Variants in FABP6 observed in about 807,000 individuals in gnomAD.
FABP6 encodes gastrotropin.
FABP6 carries 13 observed loss-of-function variants against 14.9 expected under a neutral mutation model. That is an observed-to-expected ratio of 0.87 (90% CI 0.57 to 1.39). The LOEUF is 1.39. Ranked by LOEUF, FABP6 falls within the 40% of genes most tolerant of loss-of-function variation. The probability of loss-of-function intolerance (pLI) is 0.00; values close to 1 mark genes in which losing one functional copy is unlikely to be tolerated. For missense variants in FABP6, 161 were observed against 167.2 expected (o/e 0.96, Z 0.20); for synonymous variants, 75 against 63.6 (o/e 1.18, Z -0.85).
chr5:160,232,353 C>A lies in FABP6; in HGVS notation c.243+80C>A, dbSNP rs143036892. ...TTCTCAAACATGGCCTCCCCGCTCC[C>A]GAGCTGAGGCTTCTTTCTCCAGTTT... On this transcript the variant is annotated intron_variant, in intron 2 of 3. Transcript: ENST00000402432. 35 of 1,388,408 alleles carry A rather than the reference C, an allele frequency of 2.5e-5. No homozygotes were observed. In the East Asian group the frequency reaches 9.0e-4, roughly 36 times the overall value. 86.0% of individuals were successfully genotyped at this position (1,388,408 alleles called of 1,614,324 possible).
At chr5:160,207,828 C>A (rs56003735) in intron 2 of FABP6, among the ~76,000 whole-genome samples, 123,822 of 151,466 alleles carry the variant, frequency 0.82, 51,040 homozygotes, top group Non-Finnish European at 0.85. Context: ...GGTTCAAGCG[C>A]TTCTCCTGCC....
chr5:160,232,572 A>G (rs1027210029), intron 2 of FABP6, among the ~76,000 whole-genome samples: 7 of 152,150 alleles, frequency 4.6e-5, no homozygotes, highest in Non-Finnish European at 7.4e-5. Flanking sequence ...TACTCTCTCC[A>G]GATTGATCGG....
At chr5:160,201,216 GGT>G in intron 2 of FABP6, among the ~76,000 whole-genome samples, 1 of 152,158 alleles carries the variant, frequency 6.6e-6, no homozygotes, top group East Asian at 1.9e-4. Context: ...AAATTAGCAG[GGT>G]GTGGAGGCAT....
intron 1 of FABP6, among the ~76,000 whole-genome samples, chr5:160,230,736 C>T (rs1760363019): frequency 6.6e-6 from 1 of 152,176 alleles, no homozygotes; most frequent in Non-Finnish European, 1.5e-5. Context: ...GCGTGACTTG[C>T]CCAAGTCAGT....
upstream of FABP6, among the ~76,000 whole-genome samples, chr5:160,225,568 A>AT (rs1176220179): frequency 6.6e-6 from 1 of 151,350 alleles, no homozygotes; most frequent in Non-Finnish European, 1.5e-5. Flanking sequence ...TGTCCAGCTA[A>AT]TTTTTTTGTA....
chr5:160,204,799 T>G (rs551152661), intron 2 of FABP6: 2 of 152,382 alleles, frequency 1.3e-5, no homozygotes, highest in East Asian at 3.9e-4. Context: ...CCGCATCCTA[T>G]TTTCTTTACT....
chr5:160,230,152 G>A (rs1282758993), intron 1 of FABP6, among the ~76,000 whole-genome samples: 3 of 151,780 alleles, frequency 2.0e-5, no homozygotes, highest in Admixed American at 6.6e-5. Context: ...CAAAGTGCTG[G>A]AATTACAGGC....
intron 2 of FABP6, among the ~76,000 whole-genome samples, chr5:160,204,217 G>C (rs1055116469): frequency 6.6e-6 from 1 of 151,764 alleles, no homozygotes; most frequent in African/African-American, 2.4e-5. Context: ...TAGCTACTTG[G>C]GAGGCAGAAG....
At chr5:160,202,140 TCTA>T (rs10604708) in intron 2 of FABP6, among the ~76,000 whole-genome samples, 128,361 of 151,858 alleles carry the variant, frequency 0.85, 54,635 homozygotes, top group Non-Finnish European at 0.9. Context: ...TTAGGCAGAC[TCTA>T]CTTTCTGCTC....
upstream of FABP6, among the ~76,000 whole-genome samples, chr5:160,225,889 T>C (rs925535313): frequency 6.6e-6 from 1 of 152,080 alleles, no homozygotes. Flanking sequence ...GTAGAAAATA[T>C]AAGGCCGGGC....
At chr5:160,217,157 T>C (rs1487334918) in intron 3 of FABP6, among the ~76,000 whole-genome samples, 1 of 152,190 alleles carries the variant, frequency 6.6e-6, no homozygotes, top group Non-Finnish European at 1.5e-5. Context: ...CTCAGTATTT[T>C]CCATCAACTG....
intron 2 of FABP6, among the ~76,000 whole-genome samples, chr5:160,210,887 G>A (rs770548827): frequency 1.1e-4 from 17 of 152,266 alleles, no homozygotes; most frequent in Admixed American, 3.9e-4. Flanking sequence ...TGATTTCTGC[G>A]GCTGCCACAG....
At chr5:160,191,645 T>C (rs1213076307) in intron 1 of FABP6, among the ~76,000 whole-genome samples, 4 of 151,920 alleles carry the variant, frequency 2.6e-5, no homozygotes, top group Non-Finnish European at 5.9e-5. Context: ...GGGGTCTCAC[T>C]ATATTGCCAA....
chr5:160,199,422 A>G (rs995449897), intron 2 of FABP6, among the ~76,000 whole-genome samples: 1 of 152,094 alleles, frequency 6.6e-6, no homozygotes, highest in Non-Finnish European at 1.5e-5. Context: ...CCACCCCTAG[A>G]GACGATGGCG....
At chr5:160,233,420 A>G (rs1760436205) in intron 2 of FABP6, among the ~76,000 whole-genome samples, 1 of 152,130 alleles carries the variant, frequency 6.6e-6, no homozygotes, top group African/African-American at 2.4e-5. Flanking sequence ...CACTCCCCTG[A>G]GCCTCATATC....
chr5:160,195,714 C>G (rs1026221417), intron 1 of FABP6: 1 of 152,204 alleles, frequency 6.6e-6, no homozygotes, highest in African/African-American at 2.4e-5. Flanking sequence ...GTGCTGGGAT[C>G]CCAGGTGTGA....
intron 2 of FABP6, among the ~76,000 whole-genome samples, chr5:160,210,037 CA>C (rs1759853450): frequency 6.6e-6 from 1 of 152,172 alleles, no homozygotes; most frequent in Non-Finnish European, 1.5e-5. Context: ...GTGATCTGAC[CA>C]GGGGAGTCTT....
intron 2 of FABP6, among the ~76,000 whole-genome samples, chr5:160,202,456 C>T (rs1288570423): frequency 1.3e-5 from 2 of 152,190 alleles, no homozygotes; most frequent in Non-Finnish European, 2.9e-5. Flanking sequence ...TACTCCCCCA[C>T]TTCACCATGT....
At chr5:160,199,307 C>A in intron 2 of FABP6, 1 of 751,542 alleles carries the variant, frequency 1.3e-6, no homozygotes, top group Non-Finnish European at 2.3e-6. Flanking sequence ...CCCTTTTCCT[C>A]CTTTCAGCTG....
Sources: gnomAD v4.1 joint callset for allele counts (sites outside exome capture counted in the v4.1 genomes callset) on GRCh38, gnomAD v4.1.1 for gene constraint, MANE v1.5 for transcripts, NCBI Gene and HGNC (gene_info 2026-07-23, HGNC 2026-07-21) for gene names.